NELL1: variants seen among roughly 807,000 people sequenced by gnomAD.
NELL1 encodes protein kinase C-binding protein NELL1.
A neutral mutation model predicts 107.4 loss-of-function variants in NELL1; 76 were observed. The ratio of observed to expected loss-of-function variants is 0.71; its 90% CI spans 0.59 to 0.86. The LOEUF (loss-of-function observed/expected upper bound fraction) is 0.86. NELL1 is among the 40% of genes least tolerant of loss of function. NELL1 has a pLI of 0.00. For synonymous variants in NELL1, 353 were observed against 341.2 expected (o/e 1.03, Z -0.38); for missense variants, 1,024 against 1,005.5 (o/e 1.02, Z -0.25).
chr11:20,861,415 T>A (rs1021086662), intron 4 of NELL1, among the ~76,000 whole-genome samples: 1 of 152,224 alleles, frequency 6.6e-6, no homozygotes, highest in African/African-American at 2.4e-5. Flanking sequence ...GACTGCTTTG[T>A]CCCTTGGTAG....
chr11:21,422,095 ATGTG>A (rs58034116), intron 15 of NELL1, among the ~76,000 whole-genome samples: 60,028 of 118,236 alleles, frequency 0.51, 14,106 homozygotes, highest in Non-Finnish European at 0.58. Context: ...ATTTACACAT[ATGTG>A]TGTGTGTGTG....
At chr11:20,988,903 C>T (rs1851911840) in intron 12 of NELL1, among the ~76,000 whole-genome samples, 1 of 151,936 alleles carries the variant, frequency 6.6e-6, no homozygotes, top group East Asian at 1.9e-4. Context: ...TTGCTATTTT[C>T]TCACCTTGGT....
chr11:21,409,257 AATG>A lies in NELL1; in HGVS notation c.1645+38314_1645+38316del, dbSNP rs972365397. On this transcript the variant is annotated intron_variant, in intron 15 of 19. Transcript: ENST00000357134. ...CATGGAATACTATATAGCCATAAAA[AATG>A]ATGAGTTCATGTCCTTTGTAGGGAC... Among the ~76,000 whole-genome samples, 302 of 152,270 alleles carry A rather than the reference AATG, an allele frequency of 2.0e-3. 8 individuals carry two copies. Among genetic ancestry groups the A allele is most frequent in the Admixed American group, 0.016 (250 of 15,292 alleles).
intron 13 of NELL1, among the ~76,000 whole-genome samples, chr11:21,164,758 A>G (rs1261717559): frequency 6.6e-6 from 1 of 152,204 alleles, no homozygotes; most frequent in South Asian, 2.1e-4. Context: ...GAGAACAAAA[A>G]TCCTCTGATT....
At chr11:21,070,412 T>G (rs1242125441) in intron 12 of NELL1, among the ~76,000 whole-genome samples, 1 of 152,066 alleles carries the variant, frequency 6.6e-6, no homozygotes, top group Non-Finnish European at 1.5e-5. Context: ...CAAATGGTAT[T>G]ATAAGGTTGG....
At position 20,876,850 on chromosome 11, in the gene NELL1, T is replaced by C. The variant is rs182543564; in HGVS notation, c.507-8594T>C. ...TGGCAAAACCCCCTGTCACAGTCAG[T>C]AAACTTTGAGGACCTGCTCTGAAGA... On this transcript the variant is annotated intron_variant, in intron 4 of 19. Coordinates refer to ENST00000357134, the MANE Select transcript of NELL1 (RefSeq NM_006157.5). 1.3e-3 allele frequency among the ~76,000 whole-genome samples: 199 copies of C among 152,306 alleles called. 1 individual carries two copies. Among genetic ancestry groups the C allele is most frequent in the African/African-American group, 4.5e-3 (189 of 41,574 alleles).
chr11:21,360,450 G>T (rs1320276111), intron 14 of NELL1, among the ~76,000 whole-genome samples: 4 of 152,070 alleles, frequency 2.6e-5, no homozygotes, highest in Admixed American at 6.6e-5. Context: ...TTGAAGAAAA[G>T]AATGTATATT....
intron 13 of NELL1, among the ~76,000 whole-genome samples, chr11:21,205,977 C>T (rs541781848): frequency 2.6e-5 from 4 of 152,178 alleles, no homozygotes; most frequent in South Asian, 4.2e-4. Flanking sequence ...TTTTAGAAAA[C>T]AGTAAAGGTC....
chr11:21,101,592 A>G, intron 12 of NELL1, among the ~76,000 whole-genome samples: 1 of 150,096 alleles, frequency 6.7e-6, no homozygotes, highest in Non-Finnish European at 1.5e-5. Context: ...ATGGCCAGTG[A>G]TGATGAGCAT....
rs1854005725 is a variant in NELL1, at chr11:20,674,646, A to T, written c.56-3286A>T. 10 of 864,394 alleles carry T rather than the reference A, an allele frequency of 1.2e-5. No individual in the cohort carries two copies. The East Asian group carries it at 2.4e-4, about 21-fold the overall frequency. The allele number at this position is 864,394 out of a possible 1,614,324, so 53.5% of individuals were successfully genotyped here. On this transcript the variant is annotated intron_variant, in intron 1 of 19. Transcript: ENST00000357134. Reference sequence around the variant, plus strand: ...AAATGAATGCTTTTCTTAAGGGCACAGGGTTAGTAGAGGGAAGAGACTGGA... The same window carrying T: ...AAATGAATGCTTTTCTTAAGGGCACTGGGTTAGTAGAGGGAAGAGACTGGA...
intron 13 of NELL1, among the ~76,000 whole-genome samples, chr11:21,191,200 G>A (rs1857041954): frequency 6.6e-6 from 1 of 151,770 alleles, no homozygotes; most frequent in Non-Finnish European, 1.5e-5. Context: ...AGCTGACCCT[G>A]AGATAGTTAT....
chr11:21,366,153 A>G (rs567654485), intron 14 of NELL1, among the ~76,000 whole-genome samples: 2 of 152,274 alleles, frequency 1.3e-5, no homozygotes, highest in African/African-American at 2.4e-5. Flanking sequence ...CACCCTTATT[A>G]TTTACAGAGC....
At chr11:21,475,932 C>A (rs1344016250) in intron 15 of NELL1, among the ~76,000 whole-genome samples, 1 of 152,084 alleles carries the variant, frequency 6.6e-6, no homozygotes, top group Admixed American at 6.6e-5. Context: ...TGATTCTTTG[C>A]TTTACTTTCT....
chr11:21,377,970 T>A (rs1851518134), intron 15 of NELL1, among the ~76,000 whole-genome samples: 1 of 152,024 alleles, frequency 6.6e-6, no homozygotes, highest in African/African-American at 2.4e-5. Context: ...GTCTTATGCA[T>A]TGTAGGATGT....
chr11:20,844,584 A>G (rs1220563005), intron 3 of NELL1, among the ~76,000 whole-genome samples: 1 of 152,158 alleles, frequency 6.6e-6, no homozygotes, highest in African/African-American at 2.4e-5. Flanking sequence ...AGATCAGCCT[A>G]CTGTCACTTC....
chr11:21,465,806 C>A (rs1213553063), intron 15 of NELL1, among the ~76,000 whole-genome samples: 4 of 152,098 alleles, frequency 2.6e-5, no homozygotes, highest in Admixed American at 6.6e-5. Flanking sequence ...TTCCCTTGAG[C>A]TGCCATCTCC....
chr11:21,272,958 CAG>C (rs1314386836), intron 14 of NELL1, among the ~76,000 whole-genome samples: 5 of 152,184 alleles, frequency 3.3e-5, no homozygotes, highest in African/African-American at 4.8e-5. Flanking sequence ...GGGGAAAAAA[CAG>C]AGCAGAAAAA....
At chr11:21,348,596 A>C (rs1315170570) in intron 14 of NELL1, among the ~76,000 whole-genome samples, 1 of 152,190 alleles carries the variant, frequency 6.6e-6, no homozygotes, top group Non-Finnish European at 1.5e-5. Flanking sequence ...GTGGGGTTAA[A>C]AGAAAAGAAA....
chr11:21,433,637 T>G (rs1239474666), intron 15 of NELL1, among the ~76,000 whole-genome samples: 1 of 152,068 alleles, frequency 6.6e-6, no homozygotes, highest in African/African-American at 2.4e-5. Context: ...TTAGTGATGT[T>G]GAGCATGTTT....
Sources: gnomAD v4.1 joint callset for allele counts (sites outside exome capture counted in the v4.1 genomes callset) on GRCh38, gnomAD v4.1.1 for gene constraint, MANE v1.5 for transcripts, NCBI Gene and HGNC (gene_info 2026-07-23, HGNC 2026-07-21) for gene names.